RPF2: variants seen among roughly 807,000 people sequenced by gnomAD.
RPF2 encodes ribosome production factor 2 homolog, also known as brix domain containing 1.
In RPF2, 21 loss-of-function variants were observed where a neutral mutation model predicts 38.9. The observed-to-expected ratio is 0.54, with a 90% CI of 0.38 to 0.78. The LOEUF is 0.78. Ranked by LOEUF, RPF2 falls within the 30% of genes least tolerant of loss-of-function variation. The pLI is 0.00. For synonymous variants in RPF2, 121 were observed against 126.2 expected, an observed-to-expected ratio of 0.96 and a Z score of 0.28; for missense variants, 314 against 358.1, an observed-to-expected ratio of 0.88 and a Z score of 0.99.
chr6:110,987,311 G>C (rs1041953984), intron 2 of RPF2, among the ~76,000 whole-genome samples: 1 of 151,988 alleles, frequency 6.6e-6, no homozygotes, highest in African/African-American at 2.4e-5. Context: ...TGTCCGCCTC[G>C]GCCTCCCAAA....
intron 3 of RPF2, among the ~76,000 whole-genome samples, chr6:110,990,549 G>T: frequency 6.9e-6 from 1 of 144,762 alleles, no homozygotes; most frequent in East Asian, 2.1e-4. Context: ...GTTCTGTTTG[G>T]CAATTGGGAA....
chr6:110,982,512 A>T (rs1771449910), intron 1 of RPF2: 3 of 250,446 alleles, frequency 1.2e-5, no homozygotes, highest in Non-Finnish European at 2.3e-5. Context: ...GGGTCATTAA[A>T]TATCTCTAAA....
chr6:110,995,613 G>A (rs1771698276), intron 4 of RPF2, among the ~76,000 whole-genome samples: 1 of 152,048 alleles, frequency 6.6e-6, no homozygotes, highest in Non-Finnish European at 1.5e-5. Context: ...ATTGATTTCT[G>A]GACTAAAACA....
intron 1 of RPF2, among the ~76,000 whole-genome samples, chr6:110,984,219 C>G (rs1464333619): frequency 6.6e-6 from 1 of 151,820 alleles, no homozygotes. Flanking sequence ...TGGTCTTAAA[C>G]CTAAAAGAAA....
chr6:111,004,444 A>G (rs552676166), intron 6 of RPF2, among the ~76,000 whole-genome samples: 1 of 152,146 alleles, frequency 6.6e-6, no homozygotes, highest in African/African-American at 2.4e-5. Flanking sequence ...GGCCTCCCAG[A>G]GTGCTAGGAT....
In RPF2 at chr6:110,991,783, A is replaced by G; in HGVS notation, c.231A>G (p.Ser77=). The G allele has an allele frequency of 8.4e-7, 1 of 1,193,832 alleles. No homozygotes were observed. Among genetic ancestry groups the G allele is most frequent in the Non-Finnish European group, 1.2e-6 (1 of 850,386 alleles). The allele number at this position is 1,193,832 out of a possible 1,614,324, so 74.0% of individuals were successfully genotyped here. A position where few individuals can be genotyped will look rare whatever the true frequency, so the allele number is the denominator to read the frequency against. ...CAAGACCTTTTGAGGATCAGACATC[A>G]CTGGTAAGTATAATAATCTTTATGA... ...NITRPFEDQT[S]LEFFSKKSDC... The change falls in exon 4 of 10, where the codon TCA becomes TCG. Residue 77 remains serine, a synonymous_variant. Coordinates refer to ENST00000441448, the MANE Select transcript of RPF2 (RefSeq NM_032194.3).
chr6:110,992,529 C>T (rs1771638299), intron 4 of RPF2, among the ~76,000 whole-genome samples: 1 of 151,250 alleles, frequency 6.6e-6, no homozygotes, highest in African/African-American at 2.4e-5. Context: ...CCTCCTGCCT[C>T]AGTCTCCCAA....
chr6:110,991,869 AT>A (rs5879083), intron 4 of RPF2, 83 bp downstream of exon 4: 42,276 of 490,790 alleles, frequency 0.086, 2,339 homozygotes, highest in African/African-American at 0.16. Flanking sequence ...CAAATTTGTG[AT>A]TTTTTTAAAC....
chr6:110,991,810 T>G (rs1338639441), intron 4 of RPF2, 24 bp downstream of exon 4: 1 of 1,020,738 alleles, frequency 9.8e-7, no homozygotes, highest in Non-Finnish European at 1.4e-6. Flanking sequence ...TCTTTATGAT[T>G]TAAGAAAGCA....
intron 6 of RPF2, among the ~76,000 whole-genome samples, chr6:111,001,960 G>A (rs1040056817): frequency 6.6e-6 from 1 of 152,176 alleles, no homozygotes; most frequent in Non-Finnish European, 1.5e-5. Flanking sequence ...CCTGGGCAAC[G>A]TAGTGAGACA....
intron 8 of RPF2, among the ~76,000 whole-genome samples, chr6:111,019,431 C>T (rs1772188407): frequency 6.6e-6 from 1 of 151,966 alleles, no homozygotes; most frequent in African/African-American, 2.4e-5. Context: ...CAGAGTGAGA[C>T]TGTCTGAAAA....
intron 2 of RPF2, among the ~76,000 whole-genome samples, chr6:110,986,410 A>G (rs550709739): frequency 1.6e-4 from 25 of 152,292 alleles, no homozygotes; most frequent in African/African-American, 6.0e-4. Flanking sequence ...ATGTTGAGGA[A>G]AGAAGAGTTG....
At chr6:111,003,548 TTGAG>T (rs1260392559) in intron 6 of RPF2, among the ~76,000 whole-genome samples, 1 of 152,092 alleles carries the variant, frequency 6.6e-6, no homozygotes, top group Non-Finnish European at 1.5e-5. Flanking sequence ...TACCAGGAAA[TTGAG>T]TGAGTATTCT....
At chr6:111,017,668 A>T (rs1364931340) in intron 8 of RPF2, among the ~76,000 whole-genome samples, 2 of 148,736 alleles carry the variant, frequency 1.3e-5, no homozygotes, top group Non-Finnish European at 3.0e-5. Flanking sequence ...GGCCGGGCAG[A>T]GACACTCCTC....
intron 6 of RPF2, among the ~76,000 whole-genome samples, chr6:111,003,292 T>A (rs6910046): frequency 1.6e-4 from 25 of 152,122 alleles, no homozygotes; most frequent in African/African-American, 5.8e-4. Flanking sequence ...TAACTTGTCC[T>A]TCTCCTCCAC....
intron 8 of RPF2, among the ~76,000 whole-genome samples, chr6:111,020,715 G>A (rs1320454032): frequency 2.0e-5 from 3 of 151,942 alleles, no homozygotes; most frequent in African/African-American, 4.8e-5. Flanking sequence ...ATAAAAATTA[G>A]CCGGGCAACA....
At chr6:110,996,857 A>C (rs1470533200) in intron 4 of RPF2, among the ~76,000 whole-genome samples, 4 of 152,072 alleles carry the variant, frequency 2.6e-5, no homozygotes, top group Non-Finnish European at 4.4e-5. Context: ...GTTGGAGTGC[A>C]GTGTCGCATT....
intron 6 of RPF2, among the ~76,000 whole-genome samples, chr6:111,005,670 C>G (rs1444558920): frequency 6.6e-6 from 1 of 152,084 alleles, no homozygotes; most frequent in East Asian, 1.9e-4. Flanking sequence ...TACTCTGTAT[C>G]CCAGGCTGGA....
chr6:111,000,868 A>ATAT (rs66552656), intron 6 of RPF2, among the ~76,000 whole-genome samples: 14,066 of 152,106 alleles, frequency 0.092, 738 homozygotes, highest in African/African-American at 0.13. Context: ...GAGAGAAGTG[A>ATAT]TGTTGTTGGT....
Sources: gnomAD v4.1 joint callset for allele counts (sites outside exome capture counted in the v4.1 genomes callset) on GRCh38, gnomAD v4.1.1 for gene constraint, MANE v1.5 for transcripts, NCBI Gene and HGNC (gene_info 2026-07-23, HGNC 2026-07-21) for gene names.